The following C21orf91 variants were observed in gnomAD, a reference collection of about 807,000 sequenced individuals.
C21orf91 encodes chromosome 21 open reading frame 91.
A neutral mutation model predicts 32.9 loss-of-function variants in C21orf91; 26 were observed. The ratio of observed to expected loss-of-function variants is 0.79; its 90% CI spans 0.58 to 1.10. The LOEUF (loss-of-function observed/expected upper bound fraction) is 1.10, where lower values mean the gene tolerates loss of function less well. C21orf91 is among the 50% of genes least tolerant of loss of function. C21orf91 has a pLI of 0.00. For synonymous variants in C21orf91, 126 were observed against 120.4 expected, an observed-to-expected ratio of 1.05 and a Z score of -0.31; for missense variants, 310 against 341.3, an observed-to-expected ratio of 0.91 and a Z score of 0.72.
chr21:17,806,440 T>G (rs1054457999), intron 2 of C21orf91, among the ~76,000 whole-genome samples: 31 of 152,224 alleles, frequency 2.0e-4, no homozygotes, highest in African/African-American at 7.0e-4. Context: ...TCTGATATGC[T>G]AATCATTCTT....
chr21:17,808,822 T>G (rs554586815), intron 2 of C21orf91: 1 of 152,136 alleles, frequency 6.6e-6, no homozygotes, highest in African/African-American at 2.4e-5. Flanking sequence ...CAGAATGATA[T>G]GGTTTGGATT....
At position 17,819,297 on chromosome 21, in the gene C21orf91, C is replaced by G. The variant is rs1184943203; in HGVS notation, c.-8+6G>C. On this transcript the variant is annotated splice_donor_region_variant and intron_variant, in intron 1 of 4. Transcript: ENST00000284881. ...TGGGATGGGAGCAGGGCTGCGGGGT[C>G]TTTACCGTCCGGCTCCGCGGGCCAC... is the stretch of plus-strand genomic sequence containing the variant. The G allele has an allele frequency of 2.6e-5, 4 of 152,402 alleles. No homozygotes were observed. Among genetic ancestry groups the G allele is most frequent in the African/African-American group, 7.2e-5 (3 of 41,456 alleles). 9.4% of individuals were successfully genotyped at this position (152,402 alleles called of 1,614,324 possible).
intron 2 of C21orf91, among the ~76,000 whole-genome samples, chr21:17,799,008 G>A (rs954784731): frequency 6.6e-6 from 1 of 152,148 alleles, no homozygotes; most frequent in African/African-American, 2.4e-5. Flanking sequence ...CAGATGGTTA[G>A]CTAATCCCTC....
At chr21:17,813,707 T>C (rs1481065173) in intron 2 of C21orf91, among the ~76,000 whole-genome samples, 3 of 152,244 alleles carry the variant, frequency 2.0e-5, no homozygotes, top group Non-Finnish European at 4.4e-5. Context: ...TGGTTGAGCA[T>C]TCCAAATAAC....
At chr21:17,812,681 C>T (rs931595786) in intron 2 of C21orf91, among the ~76,000 whole-genome samples, 6 of 151,940 alleles carry the variant, frequency 3.9e-5, no homozygotes, top group African/African-American at 1.5e-4. Context: ...TGGTGGTGGG[C>T]GCCTGTAGTC....
chr21:17,799,497 C>G (rs1306917879), intron 2 of C21orf91, among the ~76,000 whole-genome samples: 1 of 152,102 alleles, frequency 6.6e-6, no homozygotes, highest in Non-Finnish European at 1.5e-5. Context: ...CCCCGCAATC[C>G]CAGAGGTTTT....
At position 17,791,537 on chromosome 21, in the gene C21orf91, A is replaced by G. The variant is rs2062474239; in HGVS notation, c.*1878T>C. 1 of 152,174 alleles carries G rather than the reference A, an allele frequency of 6.6e-6. No homozygotes were observed. Among genetic ancestry groups the G allele is most frequent in the African/African-American group, 2.4e-5 (1 of 41,458 alleles). The allele number at this position is 152,174 out of a possible 1,614,324, so 9.4% of individuals were successfully genotyped here. On this transcript the variant is annotated 3_prime_UTR_variant, in exon 5 of 5. Coordinates refer to ENST00000284881, the MANE Select transcript of C21orf91 (RefSeq NM_001100420.2). ...CAACTTTTATGACTGTCCCTAACTC[A>G]TCTAAACACAAACCCAAATGTGTGC...
chr21:17,793,360 TTGCATGTC>T lies in C21orf91; in HGVS notation c.*47_*54del. 1 of 1,348,370 alleles carries T rather than the reference TTGCATGTC, an allele frequency of 7.4e-7. No individual in the cohort carries two copies. The highest frequency in any genetic ancestry group is 1.0e-6 in the Non-Finnish European group (1 of 1,003,100). 83.5% of individuals were successfully genotyped at this position (1,348,370 alleles called of 1,614,324 possible). On this transcript the variant is annotated 3_prime_UTR_variant, in exon 5 of 5. Coordinates refer to ENST00000284881, the MANE Select transcript of C21orf91 (RefSeq NM_001100420.2). ...AACTTTCTTCAAACTTCTTCAAAGTTTGCATGTCTGGGAGACCAATAAAGGGCAGGGCA... is the reference window on the plus strand; with the variant it reads ...AACTTTCTTCAAACTTCTTCAAAGTTTGGGAGACCAATAAAGGGCAGGGCA...
In C21orf91 at chr21:17,796,826, T is replaced by C; in HGVS notation, c.420A>G (p.Pro140=). Residue 140 remains proline (P), a synonymous_variant, in exon 3 of 5, where the codon CCA becomes CCG. Coordinates refer to ENST00000284881, the MANE Select transcript of C21orf91 (RefSeq NM_001100420.2). ...CATCTATCCATTTTGCAGAATATTT[T>C]GGTACTTGGGAGTCAAACTGTGGGA... ...KLLPQFDSQV[P]KYSAKWIDGS... 2 of 1,614,014 alleles carry C rather than the reference T, an allele frequency of 1.2e-6. No homozygotes were observed. Among genetic ancestry groups the C allele is most frequent in the East Asian group, 2.2e-5 (1 of 44,868 alleles).
intron 2 of C21orf91, chr21:17,808,878 G>A (rs2062615128): frequency 6.6e-6 from 1 of 152,190 alleles, no homozygotes; most frequent in African/African-American, 2.4e-5. Flanking sequence ...CCCTAATATT[G>A]GAGGAGGGGC....
chr21:17,793,389 G>A lies in C21orf91; in HGVS notation c.*26C>T, dbSNP rs779245749. The A allele has an allele frequency of 1.3e-6, 2 of 1,526,162 alleles. No homozygotes were observed. Among genetic ancestry groups the A allele is most frequent in the South Asian group, 1.3e-5 (1 of 78,914 alleles). The allele number at this position is 1,526,162 out of a possible 1,614,324, so 94.5% of individuals were successfully genotyped here. On this transcript the variant is annotated 3_prime_UTR_variant, in exon 5 of 5. Coordinates refer to ENST00000284881, the MANE Select transcript of C21orf91 (RefSeq NM_001100420.2). The stretch of plus-strand genomic sequence containing the variant: ...ATGTCTGGGAGACCAATAAAGGGCA[G>A]GGCATACGAAGTAAGTCTGTTTAGG...
At chr21:17,814,653 G>C (rs569758576) in intron 2 of C21orf91, among the ~76,000 whole-genome samples, 3 of 152,090 alleles carry the variant, frequency 2.0e-5, no homozygotes, top group African/African-American at 4.8e-5. Flanking sequence ...GAGAGTGAGG[G>C]GGGGAGGTGC....
At position 17,789,055 on chromosome 21, in the gene C21orf91, T is replaced by C. The variant is rs1456937575; in HGVS notation, c.*4360A>G. On this transcript the variant is annotated 3_prime_UTR_variant, in exon 5 of 5. Coordinates refer to ENST00000284881, the MANE Select transcript of C21orf91 (RefSeq NM_001100420.2). ...CAGTTCCCAAGCAGAGCAATACAAA[T>C]ATATAAATTATTGCAGTTTTCAAAG... 5 of 152,144 alleles carry C rather than the reference T, an allele frequency of 3.3e-5. No homozygotes were observed. Among genetic ancestry groups the C allele is most frequent in the African/African-American group, 4.8e-5 (2 of 41,438 alleles). The allele number at this position is 152,144 out of a possible 1,614,324, so 9.4% of individuals were successfully genotyped here. A position where few individuals can be genotyped will look rare whatever the true frequency, so the allele number is the denominator to read the frequency against.
chr21:17,796,606 G>A lies in C21orf91; in HGVS notation c.640C>T (p.His214Tyr), dbSNP rs768071986. 1 of 1,612,980 alleles carries A rather than the reference G, an allele frequency of 6.2e-7. No homozygotes were observed. Among genetic ancestry groups the A allele is most frequent in the East Asian group, 2.2e-5 (1 of 44,860 alleles). ...SSPEANVQTQ[H>Y]PHYSREELNS... is the part of the protein sequence containing the mutation. ...CATTCCTCTCTGCTGTAATGTGGAT[G>A]CTGGGTCTGGACATTAGCCTCTGGA... Residue 214 changes from histidine to tyrosine, a missense_variant, in exon 3 of 5, where the codon CAT becomes TAT. By Grantham distance (83) the His-to-Tyr change is moderately conservative (BLOSUM62 2). Coordinates refer to ENST00000284881, the MANE Select transcript of C21orf91 (RefSeq NM_001100420.2).
Position 17,810,336 on chromosome 21 carries a change from AAGTTTT to A in C21orf91, c.127+7850_127+7855del, listed in dbSNP as rs1233581439. On this transcript the variant is annotated intron_variant, in intron 2 of 4. Transcript: ENST00000284881. ...TAATAAACATGGAAAAATTTTTCTT[AAGTTTT>A]AATTTTGAACTGTAAACAGAGGAAC... 1.3e-5 allele frequency among the ~76,000 whole-genome samples: 2 copies of A among 152,224 alleles called. 1 individual carries two copies. The highest frequency in any genetic ancestry group is 4.1e-4 in the South Asian group (2 of 4,826).
chr21:17,809,811 A>G (rs2062620594), intron 2 of C21orf91, among the ~76,000 whole-genome samples: 1 of 152,172 alleles, frequency 6.6e-6, no homozygotes. Context: ...TTATTGAAGG[A>G]ATATGTTTAA....
chr21:17,797,839 C>G (rs1474024933), intron 2 of C21orf91, among the ~76,000 whole-genome samples: 1 of 151,920 alleles, frequency 6.6e-6, no homozygotes, highest in Non-Finnish European at 1.5e-5. Flanking sequence ...TCATTATATA[C>G]CATAAATAAC....
intron 2 of C21orf91, among the ~76,000 whole-genome samples, chr21:17,797,532 A>C (rs925479554): frequency 6.6e-6 from 1 of 151,840 alleles, no homozygotes; most frequent in Non-Finnish European, 1.5e-5. Flanking sequence ...ATACTGAACA[A>C]GTTTTCCTCC....
chr21:17,805,316 CTGAT>C (rs1420579404), intron 2 of C21orf91, among the ~76,000 whole-genome samples: 4 of 152,106 alleles, frequency 2.6e-5, no homozygotes, highest in Non-Finnish European at 4.4e-5. Flanking sequence ...TAATGACTGA[CTGAT>C]TGATTGATTT....
Sources: gnomAD v4.1 joint callset for allele counts (sites outside exome capture counted in the v4.1 genomes callset) on GRCh38, gnomAD v4.1.1 for gene constraint, MANE v1.5 for transcripts, NCBI Gene and HGNC (gene_info 2026-07-23, HGNC 2026-07-21) for gene names.